KIF5C: variants seen among roughly 807,000 people sequenced by gnomAD.
KIF5C encodes the protein kinesin heavy chain isoform 5C.
KIF5C carries 18 observed loss-of-function variants against 125.2 expected under a neutral mutation model. The observed-to-expected ratio is 0.14, with a 90% CI of 0.10 to 0.21. KIF5C has a LOEUF of 0.21. KIF5C is among the 10% of genes least tolerant of loss of function. KIF5C has a pLI of 1.00. For synonymous variants in KIF5C, 405 were observed against 434.0 expected (o/e 0.93, Z 0.83); for missense variants, 780 against 1,183.8 (o/e 0.66, Z 5.01).
chr2:148,935,068 T>A (rs922105264), intron 3 of KIF5C: 8 of 417,632 alleles, frequency 1.9e-5, no homozygotes, highest in Non-Finnish European at 2.9e-5. Context: ...TGGGTATGCT[T>A]CTGTTCCTGT....
rs1438802358 is a variant in KIF5C at position 148,876,292 on chromosome 2, C to G, written c.126+549C>G. On this transcript the variant is annotated intron_variant, in intron 1 of 25. Transcript: ENST00000435030. This position sits in a 1 kb window ranked among gnomAD's most constrained non-coding sequence, Gnocchi z 4.7. Reference sequence around the variant, plus strand: ...GACGCGGCTCCCCGCGGTGTTACACCTGGCTCCGCGCGCGGAAGGCGGAGG... The same window carrying G: ...GACGCGGCTCCCCGCGGTGTTACACGTGGCTCCGCGCGCGGAAGGCGGAGG... Among the ~76,000 whole-genome samples the G allele has an allele frequency of 6.6e-6, 1 of 152,124 alleles. No individual in the cohort carries two copies. Among genetic ancestry groups the G allele is most frequent in the Admixed American group, 6.5e-5 (1 of 15,288 alleles).
chr2:148,980,570 G>A (rs1047127800), intron 13 of KIF5C, among the ~76,000 whole-genome samples: 1 of 152,066 alleles, frequency 6.6e-6, no homozygotes, highest in African/African-American at 2.4e-5. Context: ...TGTTTTAGTT[G>A]ATTGTGAAGT....
At chr2:148,906,505 A>G (rs1361297700) in intron 1 of KIF5C, among the ~76,000 whole-genome samples, 1 of 152,124 alleles carries the variant, frequency 6.6e-6, no homozygotes, top group Admixed American at 6.6e-5. Context: ...GTATTGCTTG[A>G]GCCCAGGACT....
intron 10 of KIF5C, 95 bp from the exon 11 acceptor site, chr2:148,961,876 C>T: frequency 6.7e-7 from 1 of 1,490,600 alleles, no homozygotes; most frequent in Non-Finnish European, 8.9e-7. Flanking sequence ...TTCCCTATTT[C>T]CAGTCTTTTG....
At chr2:148,889,470 C>G (rs892763521) in intron 1 of KIF5C, among the ~76,000 whole-genome samples, 1 of 152,204 alleles carries the variant, frequency 6.6e-6, no homozygotes, top group Non-Finnish European at 1.5e-5. Flanking sequence ...CTGTACCCCA[C>G]TCCCCAACAT....
chr2:148,983,620 A>G lies in KIF5C; in HGVS notation c.1570A>G (p.Thr524Ala). ...TTTGTTGTTGAAATTTGTTTTTCAG[A>G]CTACATTGACAACCACACAGAGAGA... Reference protein sequence around the residue: ...QLTDELAQKTTTLTTTQRELS... With the variant: ...QLTDELAQKTATLTTTQRELS... The change falls in exon 15 of 26, where the codon ACT becomes GCT. Residue 524 changes from threonine to alanine, a missense_variant and splice_region_variant. Physicochemically the swap from Thr to Ala is moderately conservative, Grantham distance 58. This residue lies in a region of KIF5C where 573 missense variants were observed against 742.6 expected (regional missense o/e 0.77). Coordinates refer to ENST00000435030, the MANE Select transcript of KIF5C (RefSeq NM_004522.3). The G allele has an allele frequency of 1.9e-6, 3 of 1,554,036 alleles. No individual in the cohort carries two copies. The highest frequency in any genetic ancestry group is 1.7e-6 in the Non-Finnish European group (2 of 1,146,228).
chr2:148,997,052 G>A (rs902094384), intron 17 of KIF5C, among the ~76,000 whole-genome samples: 4 of 152,316 alleles, frequency 2.6e-5, no homozygotes, highest in South Asian at 2.1e-4. Context: ...TGCAGTTGTC[G>A]CGCTCCCCCG....
intron 1 of KIF5C, among the ~76,000 whole-genome samples, chr2:148,896,605 A>C (rs1173914155): frequency 6.6e-6 from 1 of 152,178 alleles, no homozygotes; most frequent in Non-Finnish European, 1.5e-5. Context: ...CAGAGAATGA[A>C]AGGGAGGTAA....
At chr2:148,976,245 TTTTATTTATTTATTTA>T (rs145613004) in intron 12 of KIF5C, among the ~76,000 whole-genome samples, 3 of 143,876 alleles carry the variant, frequency 2.1e-5, no homozygotes, top group East Asian at 4.1e-4. Flanking sequence ...TATTATTTTG[TTTTATTTATTTATTTA>T]TTTATTTATT....
At chr2:148,980,823 A>G (rs1480236533) in intron 13 of KIF5C, among the ~76,000 whole-genome samples, 2 of 151,890 alleles carry the variant, frequency 1.3e-5, no homozygotes, top group East Asian at 1.9e-4. Flanking sequence ...CTCCTGCCTC[A>G]GCTTCCCAAG....
intron 1 of KIF5C, among the ~76,000 whole-genome samples, chr2:148,895,589 A>T (rs1036096213): frequency 5.9e-5 from 9 of 152,052 alleles, no homozygotes; most frequent in African/African-American, 9.7e-5. Context: ...CTTAACATTT[A>T]TGTTTCAAAT....
chr2:148,978,307 ATGCTTCTGTC>A (rs1681132195), intron 12 of KIF5C, among the ~76,000 whole-genome samples: 1 of 138,194 alleles, frequency 7.2e-6, no homozygotes. Context: ...GTAAGCATGA[ATGCTTCTGTC>A]CCTCAGCTGC....
chr2:148,905,716 G>A (rs984450783), intron 1 of KIF5C, among the ~76,000 whole-genome samples: 5 of 152,268 alleles, frequency 3.3e-5, no homozygotes, highest in African/African-American at 1.2e-4. Flanking sequence ...GTCAAGGAGT[G>A]GGAGGATGGT....
rs145269884 is a variant in KIF5C at position 148,945,585 on chromosome 2, T to C, written c.590-1314T>C. 1.5e-3 allele frequency among the ~76,000 whole-genome samples: 228 copies of C among 152,252 alleles called. 2 individuals are homozygous for C. Among genetic ancestry groups the C allele is most frequent in the South Asian group, 3.3e-3 (16 of 4,820 alleles). On this transcript the variant is annotated intron_variant, in intron 7 of 25. Coordinates refer to ENST00000435030, the MANE Select transcript of KIF5C (RefSeq NM_004522.3). Reference sequence around the variant, plus strand: ...TTTATTTTTCCATAGGCTATTGGGGTACAGGTGGTATTTGGTTACATGAGT... The same window carrying C: ...TTTATTTTTCCATAGGCTATTGGGGCACAGGTGGTATTTGGTTACATGAGT...
chr2:148,889,889 G>A (rs980808847), intron 1 of KIF5C, among the ~76,000 whole-genome samples: 36 of 152,324 alleles, frequency 2.4e-4, no homozygotes, highest in Non-Finnish European at 1.0e-4. Flanking sequence ...AGCAATATGA[G>A]GAGGAAATTA....
chr2:148,984,814 A>T (rs1413838615), intron 15 of KIF5C, among the ~76,000 whole-genome samples: 3 of 152,016 alleles, frequency 2.0e-5, no homozygotes, highest in African/African-American at 2.4e-5. Context: ...ATTTTGAGAC[A>T]AACTTTTGCT....
chr2:148,946,731 G>A (rs140854331), intron 7 of KIF5C, among the ~76,000 whole-genome samples, 168 bp from the exon 8 acceptor site: 19 of 152,290 alleles, frequency 1.2e-4, no homozygotes, highest in African/African-American at 4.3e-4. Flanking sequence ...TCTAGAATGA[G>A]CATTGTTTTT....
At chr2:148,923,333 A>G (rs938419501) in intron 2 of KIF5C, among the ~76,000 whole-genome samples, 4 of 152,168 alleles carry the variant, frequency 2.6e-5, no homozygotes, top group African/African-American at 9.7e-5. Context: ...TTCCTTGCTG[A>G]GGTGGATGGT....
At chr2:148,954,111 A>T (rs941320440) in intron 10 of KIF5C, among the ~76,000 whole-genome samples, 2 of 150,972 alleles carry the variant, frequency 1.3e-5, no homozygotes, top group Non-Finnish European at 2.9e-5. Context: ...GAGTGAGAAC[A>T]TGCGGTGTTT....
Sources: gnomAD v4.1 joint callset for allele counts (sites outside exome capture counted in the v4.1 genomes callset) on GRCh38, gnomAD v4.1.1 for gene constraint, gnomAD v4.1.1 regional missense constraint, Gnocchi (gnomAD v3.1) non-coding constraint, MANE v1.5 for transcripts, NCBI Gene and HGNC (gene_info 2026-07-23, HGNC 2026-07-21) for gene names.